The following ARHGAP32 variants were observed in gnomAD, a reference collection of about 807,000 sequenced individuals.
ARHGAP32 encodes rho GTPase-activating protein 32.
A neutral mutation model predicts 186.5 loss-of-function variants in ARHGAP32; 51 were observed. The ratio of observed to expected loss-of-function variants is 0.27; its 90% CI spans 0.22 to 0.35. ARHGAP32 has a LOEUF of 0.35. Ranked by LOEUF, ARHGAP32 falls within the 10% of genes least tolerant of loss-of-function variation. The probability of loss-of-function intolerance (pLI) is 1.00; values close to 1 mark genes in which losing one functional copy is unlikely to be tolerated. For synonymous variants in ARHGAP32, 950 were observed against 964.3 expected (o/e 0.99, Z 0.27); for missense variants, 2,186 against 2,623.5 (o/e 0.83, Z 3.64).
chr11:128,983,613 T>C (rs2136111264), intron 15 of ARHGAP32, among the ~76,000 whole-genome samples: 1 of 152,036 alleles, frequency 6.6e-6, no homozygotes, highest in East Asian at 1.9e-4. Context: ...CTGCATATTG[T>C]GCACATGTAC....
Position 128,973,012 on chromosome 11 carries a change from T to G in ARHGAP32, c.3494A>C (p.Gln1165Pro), listed in dbSNP as rs1424203622. The G allele has an allele frequency of 1.2e-6, 2 of 1,614,024 alleles. No individual in the cohort carries two copies. The highest frequency in any genetic ancestry group is 1.7e-6 in the Non-Finnish European group (2 of 1,180,020). Residue 1165 changes from glutamine to proline, a missense_variant, in exon 22 of 23, where the codon CAG becomes CCG. Gln to Pro is a moderately conservative substitution (Grantham distance 76). Coordinates refer to ENST00000682385, the MANE Select transcript of ARHGAP32 (RefSeq NM_001378024.1). ...QHHQVDLTGN[Q>P]PHQAYLSGDP... ...CCCAGATAAATATGCTTGATGTGGC[T>G]GATTCCCTGTTAAGTCTACTTGGTG...
chr11:129,025,011 A>G (rs1248699774), intron 11 of ARHGAP32, among the ~76,000 whole-genome samples: 2 of 152,174 alleles, frequency 1.3e-5, no homozygotes, highest in Non-Finnish European at 2.9e-5. Context: ...ATATTTACAT[A>G]TTTTCCATTC....
At chr11:129,028,299 C>T (rs943761913) in intron 11 of ARHGAP32, among the ~76,000 whole-genome samples, 1 of 151,808 alleles carries the variant, frequency 6.6e-6, no homozygotes, top group Non-Finnish European at 1.5e-5. Flanking sequence ...AACCTTCACA[C>T]AAAAAAATGG....
chr11:129,276,027 A>T lies in ARHGAP32; in HGVS notation c.-5+3119T>A, dbSNP rs181577545. ...AGCCTTGGCACAGGCCAGTAGTCCCAGCTGCTCAGGAGGGCAACGCAGGAA... is the reference window on the plus strand; with the variant it reads ...AGCCTTGGCACAGGCCAGTAGTCCCTGCTGCTCAGGAGGGCAACGCAGGAA... On this transcript the variant is annotated intron_variant, in intron 1 of 6. Transcript: ENST00000525234. 2.8e-3 allele frequency among the ~76,000 whole-genome samples: 433 copies of T among 152,364 alleles called. 7 individuals are homozygous for T. Among genetic ancestry groups the T allele is most frequent in the African/African-American group, 1.0e-2 (415 of 41,592 alleles).
At position 129,062,296 on chromosome 11, in the gene ARHGAP32, C is replaced by A. The variant is rs1318043587; in HGVS notation, c.947G>T (p.Gly316Val). The change falls in exon 10 of 23, where the codon GGC becomes GTC. Residue 316 changes from glycine (G) to valine (V), a missense_variant. Transcript: ENST00000682385. The stretch of plus-strand genomic sequence containing the variant: ...GCTGCCTACCTGGAATCCGTGCTTG[C>A]CTCTCCACCATGTGCTTAACACTTT... ...PPKVLSTWWR[G>V]KHGFQVGLFP... is the part of the protein sequence containing the mutation. The A allele has an allele frequency of 6.2e-7, 1 of 1,613,594 alleles. No individual in the cohort carries two copies. Among genetic ancestry groups the A allele is most frequent in the Non-Finnish European group, 8.5e-7 (1 of 1,179,630 alleles).
At chr11:129,200,820 A>G (rs1296444654) in intron 1 of ARHGAP32, among the ~76,000 whole-genome samples, 2 of 152,196 alleles carry the variant, frequency 1.3e-5, no homozygotes, top group African/African-American at 4.8e-5. Context: ...CATCATTATC[A>G]TCCCTGAACC....
At chr11:129,103,504 G>T (rs1458086000) in intron 5 of ARHGAP32, among the ~76,000 whole-genome samples, 2 of 151,952 alleles carry the variant, frequency 1.3e-5, no homozygotes, top group African/African-American at 4.8e-5. Flanking sequence ...TACCAGATGA[G>T]AACTTTCCAA....
intron 1 of ARHGAP32, among the ~76,000 whole-genome samples, chr11:129,278,995 G>A (rs940066174): frequency 9.6e-5 from 14 of 146,304 alleles, no homozygotes; most frequent in African/African-American, 2.0e-4. Flanking sequence ...GGGGCGGGGG[G>A]ACAACCGAGA....
Position 128,974,733 on chromosome 11 carries a change from C to T in ARHGAP32, c.2464G>A (p.Glu822Lys), listed in dbSNP as rs538558908. The T allele has an allele frequency of 1.5e-5, 24 of 1,614,174 alleles. 1 individual carries two copies. In the South Asian group the frequency reaches 2.2e-4, roughly 15 times the overall value. ...MSFQCSPPKA[E>K]SECLESGASF... ...GCACCACTCTCCAGACATTCTGATT[C>T]GGCCTTAGGAGGACTACATTGAAAT... Residue 822 changes from glutamate to lysine, a missense_variant, in exon 21 of 23, where the codon GAA becomes AAA. Coordinates refer to ENST00000682385, the MANE Select transcript of ARHGAP32 (RefSeq NM_001378024.1).
Position 129,123,524 on chromosome 11 carries a change from G to A in ARHGAP32, c.366C>T (p.Pro122=), listed in dbSNP as rs1942584144. Residue 122 remains proline, a synonymous_variant, in exon 5 of 23, where the codon CCC becomes CCT. Transcript: ENST00000682385. This position sits in a 1 kb window ranked among gnomAD's most constrained non-coding sequence, Gnocchi z 4.6. ...TCTTCGGAAAGTGACCTTTAGTGAAGGGTAACCTGAAACACATGAAATAAA... is the reference window on the plus strand; with the variant it reads ...TCTTCGGAAAGTGACCTTTAGTGAAAGGTAACCTGAAACACATGAAATAAA... ...LMGCDNIHRL[P]FTKGHFPKMA... The A allele has an allele frequency of 6.2e-7, 1 of 1,611,752 alleles. No homozygotes were observed. The highest frequency in any genetic ancestry group is 8.5e-7 in the Non-Finnish European group (1 of 1,178,304).
At chr11:128,975,146 T>G in intron 20 of ARHGAP32, 144 bp from the exon 21 acceptor site, 1 of 655,592 alleles carries the variant, frequency 1.5e-6, no homozygotes, top group Non-Finnish European at 2.5e-6. Context: ...ATTCTTTCAG[T>G]GCACACAGAT....
At chr11:129,126,648 C>T (rs1005575060) in intron 2 of ARHGAP32, among the ~76,000 whole-genome samples, 2 of 151,966 alleles carry the variant, frequency 1.3e-5, no homozygotes, top group African/African-American at 4.8e-5. Flanking sequence ...ATAAAGACGG[C>T]AAAACAACCA....
Position 129,192,155 on chromosome 11 carries a change from A to G in ARHGAP32, c.44T>C (p.Val15Ala), listed in dbSNP as rs1344549006. 6.2e-7 allele frequency: 1 copy of G among 1,613,912 alleles called. No homozygotes were observed. Among genetic ancestry groups the G allele is most frequent in the East Asian group, 2.2e-5 (1 of 44,872 alleles). ...SESSTLGDDS[V>A]FWLESEVIIQ... ...TATAACTTCAGACTCCAACCAGAAG[A>G]CACTGTCATCCCCTAAAGTGCTACT... The change falls in exon 1 of 23, where the codon GTC becomes GCC. Residue 15 changes from valine to alanine, a missense_variant. By Grantham distance (64) the Val-to-Ala change is moderately conservative. Coordinates refer to ENST00000682385, the MANE Select transcript of ARHGAP32 (RefSeq NM_001378024.1).
At chr11:129,175,019 A>C (rs1943880934) in intron 1 of ARHGAP32, among the ~76,000 whole-genome samples, 1 of 135,176 alleles carries the variant, frequency 7.4e-6, no homozygotes, top group South Asian at 2.4e-4. Flanking sequence ...ATTCAAACCA[A>C]AGGCAAAGAA....
chr11:129,002,805 A>ATTTTTTTTTTT (rs36036048), intron 11 of ARHGAP32, among the ~76,000 whole-genome samples: 1 of 108,070 alleles, frequency 9.3e-6, no homozygotes, highest in African/African-American at 3.6e-5. Flanking sequence ...AGGGATGTTG[A>ATTTTTTTTTTT]TTTTTTTTTT....
In ARHGAP32 at chr11:128,972,959, C is replaced by G; in HGVS notation, c.3547G>C (p.Val1183Leu). The G allele has an allele frequency of 6.2e-7, 1 of 1,614,040 alleles. No individual in the cohort carries two copies. Among genetic ancestry groups the G allele is most frequent in the Non-Finnish European group, 8.5e-7 (1 of 1,180,024 alleles). ...TCAGACTTCTCTGAGTCTAAGGGAACTGAAGTAATTCTGGCCTTTTCTGGG... is the reference window on the plus strand; with the variant it reads ...TCAGACTTCTCTGAGTCTAAGGGAAGTGAAGTAATTCTGGCCTTTTCTGGG... Reference protein sequence around the residue: ...GDPEKARITSVPLDSEKSDDH... With the variant: ...GDPEKARITSLPLDSEKSDDH... The change falls in exon 22 of 23, where the codon GTT becomes CTT. Residue 1183 changes from valine (V) to leucine (L), a missense_variant. Around this residue, in one of 5 missense-constraint regions of ARHGAP32, gnomAD observed 1,502 missense variants for 1,570.0 expected, o/e 0.96. Coordinates refer to ENST00000682385, the MANE Select transcript of ARHGAP32 (RefSeq NM_001378024.1).
intron 1 of ARHGAP32, among the ~76,000 whole-genome samples, chr11:129,201,707 G>A (rs1944456294): frequency 6.6e-6 from 1 of 152,152 alleles, no homozygotes; most frequent in African/African-American, 2.4e-5. Context: ...ACAGCCAGGT[G>A]CAGTGGCTCA....
intron 2 of ARHGAP32, among the ~76,000 whole-genome samples, chr11:129,127,593 A>G (rs937326112): frequency 8.5e-6 from 1 of 117,532 alleles, no homozygotes; most frequent in African/African-American, 3.8e-5. Context: ...CTGTACTATT[A>G]TTCAATCACC....
At chr11:129,119,696 A>G (rs1212757850) in intron 5 of ARHGAP32, among the ~76,000 whole-genome samples, 4 of 152,088 alleles carry the variant, frequency 2.6e-5, no homozygotes, top group African/African-American at 9.7e-5. Context: ...TGGTGACTAT[A>G]GTTGCAATCT....
Sources: gnomAD v4.1 joint callset for allele counts (sites outside exome capture counted in the v4.1 genomes callset) on GRCh38, gnomAD v4.1.1 for gene constraint, gnomAD v4.1.1 regional missense constraint, Gnocchi (gnomAD v3.1) non-coding constraint, MANE v1.5 for transcripts, NCBI Gene and HGNC (gene_info 2026-07-23, HGNC 2026-07-21) for gene names.